DOK6: variants seen among roughly 807,000 people sequenced by gnomAD.
DOK6 encodes downstream of tyrosine kinase 6.
A neutral mutation model predicts 44.0 loss-of-function variants in DOK6; 22 were observed. That is an observed-to-expected ratio of 0.50 (90% CI 0.36 to 0.71). The LOEUF (loss-of-function observed/expected upper bound fraction) is 0.71, where lower values mean the gene tolerates loss of function less well. Ranked by LOEUF, DOK6 falls within the 30% of genes least tolerant of loss-of-function variation. The pLI, the probability that DOK6 is intolerant of heterozygous loss-of-function variation, is 0.00. For missense variants in DOK6, 340 were observed against 416.4 expected, an observed-to-expected ratio of 0.82 and a Z score of 1.60; for synonymous variants, 166 against 145.5, an observed-to-expected ratio of 1.14 and a Z score of -1.01.
chr18:69,574,512 T>C (rs1039279066), intron 2 of DOK6, among the ~76,000 whole-genome samples: 4 of 152,038 alleles, frequency 2.6e-5, no homozygotes, highest in Admixed American at 6.6e-5. Flanking sequence ...TAGGTTTACT[T>C]AGTTTTGACA....
At chr18:69,407,841 T>C (rs1250190109) in intron 1 of DOK6, among the ~76,000 whole-genome samples, 1 of 152,232 alleles carries the variant, frequency 6.6e-6, no homozygotes, top group Non-Finnish European at 1.5e-5. Flanking sequence ...TTAATTTTTA[T>C]TTTTGGCTTA....
chr18:69,583,752 C>CAAAAAAAA (rs36222332), intron 2 of DOK6, among the ~76,000 whole-genome samples: 12 of 143,720 alleles, frequency 8.3e-5, no homozygotes, highest in African/African-American at 1.6e-4. Flanking sequence ...TCCATCCATA[C>CAAAAAAAA]AAAAAAAAAA....
At chr18:69,468,955 G>C (rs1265256903) in intron 1 of DOK6, among the ~76,000 whole-genome samples, 2 of 152,186 alleles carry the variant, frequency 1.3e-5, no homozygotes, top group Non-Finnish European at 1.5e-5. Flanking sequence ...CGGATTTTCT[G>C]ACTACTTGGA....
chr18:69,433,052 G>T (rs923560705), intron 1 of DOK6, among the ~76,000 whole-genome samples: 1 of 152,160 alleles, frequency 6.6e-6, no homozygotes, highest in African/African-American at 2.4e-5. Flanking sequence ...AGAAGTGGAG[G>T]TTTGTGAAAA....
Position 69,471,252 on chromosome 18 carries a change from A to G in DOK6, c.66+69942A>G, listed in dbSNP as rs866064252. Among the ~76,000 whole-genome samples, 31 of 115,900 alleles carry G rather than the reference A, an allele frequency of 2.7e-4. 1 individual carries two copies. Among genetic ancestry groups the G allele is most frequent in the Middle Eastern group, 3.9e-3 (1 of 258 alleles). The allele number at this position is 115,900 out of a possible 152,430, so 76.0% of individuals were successfully genotyped here. On this transcript the variant is annotated intron_variant, in intron 1 of 7. Transcript: ENST00000382713. ...GCAACAAAAGCAAAACTCCATCTCAAAAAAAAAAAAAAAAAAAAAAAAAAA... is the reference window on the plus strand; with the variant it reads ...GCAACAAAAGCAAAACTCCATCTCAGAAAAAAAAAAAAAAAAAAAAAAAAA...
intron 7 of DOK6, among the ~76,000 whole-genome samples, chr18:69,766,403 A>ACTTTTTTTTTTATTT (rs1979718367): frequency 6.6e-6 from 1 of 152,204 alleles, no homozygotes; most frequent in Non-Finnish European, 1.5e-5. Flanking sequence ...AGAAAAGTCG[A>ACTTTTTTTTTTATTT]AATTGTTTAT....
chr18:69,533,556 T>G (rs1982041536), intron 1 of DOK6, among the ~76,000 whole-genome samples: 1 of 152,138 alleles, frequency 6.6e-6, no homozygotes. Context: ...GTAATTGTTT[T>G]ATTTAAATGA....
chr18:69,694,750 G>T (rs1056590034), intron 4 of DOK6, among the ~76,000 whole-genome samples: 4 of 150,176 alleles, frequency 2.7e-5, no homozygotes, highest in Non-Finnish European at 5.9e-5. Context: ...TATGTTTTAG[G>T]ATATTATTAT....
Position 69,542,009 on chromosome 18 carries a change from A to G in DOK6, c.67-22478A>G, listed in dbSNP as rs1982282003. Among the ~76,000 whole-genome samples the G allele has an allele frequency of 4.0e-5, 6 of 151,430 alleles. 1 individual carries two copies. The South Asian group carries it at 1.3e-3, about 32-fold the overall frequency. On this transcript the variant is annotated intron_variant, in intron 1 of 7. Coordinates refer to ENST00000382713, the MANE Select transcript of DOK6 (RefSeq NM_152721.6). ...TGAGTCCCTAGAGCTTAGTTTGAGT[A>G]AAAAGAAGTGGAAGTTAGTCTGAAA...
At chr18:69,781,093 T>C (rs1485499369) in intron 7 of DOK6, among the ~76,000 whole-genome samples, 1 of 152,128 alleles carries the variant, frequency 6.6e-6, no homozygotes, top group Non-Finnish European at 1.5e-5. Flanking sequence ...ACTCTGAAAA[T>C]AGATTCCAAA....
chr18:69,542,443 C>T (rs559407733), intron 1 of DOK6, among the ~76,000 whole-genome samples: 1 of 151,300 alleles, frequency 6.6e-6, no homozygotes, highest in East Asian at 1.9e-4. Context: ...TGCTGCTACC[C>T]TATGAAAGTG....
chr18:69,548,650 T>C (rs931945714), intron 1 of DOK6, among the ~76,000 whole-genome samples: 10 of 151,544 alleles, frequency 6.6e-5, no homozygotes, highest in African/African-American at 2.4e-4. Context: ...AACCGAGTCA[T>C]TGAATACAAG....
At chr18:69,637,728 TTCTC>T (rs1159292432) in intron 3 of DOK6, among the ~76,000 whole-genome samples, 1 of 73,970 alleles carries the variant, frequency 1.4e-5, no homozygotes, top group African/African-American at 3.6e-5. Context: ...AATTATAATA[TTCTC>T]TCTCTTTTTT....
rs139961517 is a variant in DOK6, at chr18:69,476,695, T to A, written c.66+75385T>A. On this transcript the variant is annotated intron_variant, in intron 1 of 7. Coordinates refer to ENST00000382713, the MANE Select transcript of DOK6 (RefSeq NM_152721.6). The stretch of plus-strand genomic sequence containing the variant: ...GGGGCCACCCATCAGGAACTGGGCT[T>A]GAGGAGAAGAGGTAGCAGGAAGCAG... 3.5e-3 allele frequency among the ~76,000 whole-genome samples: 528 copies of A among 152,308 alleles called. 13 individuals carry two copies. Among genetic ancestry groups the A allele is most frequent in the East Asian group, 0.031 (161 of 5,178 alleles).
At chr18:69,527,849 A>G (rs1305561848) in intron 1 of DOK6, among the ~76,000 whole-genome samples, 2 of 152,174 alleles carry the variant, frequency 1.3e-5, no homozygotes, top group African/African-American at 4.8e-5. Flanking sequence ...TTATAATCAT[A>G]AAGGTTACTT....
At chr18:69,406,670 T>C (rs529138112) in intron 1 of DOK6, among the ~76,000 whole-genome samples, 7 of 152,346 alleles carry the variant, frequency 4.6e-5, no homozygotes, top group African/African-American at 1.4e-4. Context: ...AGCAGGGAAG[T>C]GCTACAGTGG....
At chr18:69,482,139 G>A (rs1390386229) in intron 1 of DOK6, among the ~76,000 whole-genome samples, 1 of 152,160 alleles carries the variant, frequency 6.6e-6, no homozygotes, top group African/African-American at 2.4e-5. Flanking sequence ...TGTCAGATGA[G>A]TAGATTGCAA....
chr18:69,531,275 ATAT>A (rs1228648227), intron 1 of DOK6, among the ~76,000 whole-genome samples: 3 of 147,212 alleles, frequency 2.0e-5, no homozygotes, highest in East Asian at 3.9e-4. Flanking sequence ...TATATATAAT[ATAT>A]TATATGTTAT....
chr18:69,841,126 T>C (rs1982203258), intron 7 of DOK6, 118 bp from the exon 8 acceptor site: 3 of 1,322,960 alleles, frequency 2.3e-6, no homozygotes, highest in South Asian at 1.5e-5. Flanking sequence ...TGAAAGCTGC[T>C]GCCTTGTTTA....
Sources: gnomAD v4.1 joint callset for allele counts (sites outside exome capture counted in the v4.1 genomes callset) on GRCh38, gnomAD v4.1.1 for gene constraint, MANE v1.5 for transcripts, NCBI Gene and HGNC (gene_info 2026-07-23, HGNC 2026-07-21) for gene names.